ATP5MC1: variants seen among roughly 807,000 people sequenced by gnomAD.
The protein encoded by ATP5MC1 is ATP synthase F(0) complex subunit C1, mitochondrial.
ATP5MC1 carries 4 observed loss-of-function variants against 12.1 expected under a neutral mutation model. The observed-to-expected ratio is 0.33, with a 90% CI of 0.16 to 0.76. ATP5MC1 has a LOEUF of 0.76. ATP5MC1 is among the 30% of genes least tolerant of loss of function. The probability of loss-of-function intolerance (pLI) is 0.61; values close to 1 mark genes in which losing one functional copy is unlikely to be tolerated. For synonymous variants in ATP5MC1, 52 were observed against 66.0 expected, an observed-to-expected ratio of 0.79 and a Z score of 1.03; for missense variants, 117 against 172.1, an observed-to-expected ratio of 0.68 and a Z score of 1.79.
intron 2 of ATP5MC1, 56 bp downstream of exon 2, chr17:48,893,512 C>T (rs1598062309): frequency 6.3e-7 from 1 of 1,592,258 alleles, no homozygotes; most frequent in African/African-American, 1.3e-5. Context: ...TGGACGCCAT[C>T]AGTGTTTAAT....
At position 48,893,118 on chromosome 17, in the gene ATP5MC1, C is replaced by T. The variant is rs537969690; in HGVS notation, c.-10+208C>T. 31 of 440,538 alleles carry T rather than the reference C, an allele frequency of 7.0e-5. 1 individual carries two copies. In the South Asian group the frequency reaches 9.4e-4, roughly 13 times the overall value. 27.3% of individuals were successfully genotyped at this position (440,538 alleles called of 1,614,324 possible). A position where few individuals can be genotyped will look rare whatever the true frequency, so the allele number is the denominator to read the frequency against. On this transcript the variant is annotated intron_variant, in intron 1 of 4. Coordinates refer to ENST00000393366, the MANE Select transcript of ATP5MC1 (RefSeq NM_005175.3). Reference sequence around the variant, plus strand: ...AAGATGGGCAGGATCCTGCGCGACACCTGCCCAGTATCCGCCTCCAGTCTT... The same window carrying T: ...AAGATGGGCAGGATCCTGCGCGACATCTGCCCAGTATCCGCCTCCAGTCTT...
At chr17:48,895,030 ATT>A (rs2040558908) in intron 3 of ATP5MC1, 124 bp from the exon 4 acceptor site, 1 of 1,080,556 alleles carries the variant, frequency 9.3e-7, no homozygotes, top group East Asian at 2.5e-5. Context: ...AGTATTCTGC[ATT>A]TACCAGGCAG....
Position 48,895,820 on chromosome 17 carries a change from C to A in ATP5MC1, c.*51C>A, listed in dbSNP as rs774039629. 57 of 1,493,396 alleles carry A rather than the reference C, an allele frequency of 3.8e-5. No homozygotes were observed. Among genetic ancestry groups the A allele is most frequent in the Non-Finnish European group, 5.0e-5 (54 of 1,073,764 alleles). 92.5% of individuals were successfully genotyped at this position (1,493,396 alleles called of 1,614,324 possible). On this transcript the variant is annotated 3_prime_UTR_variant, in exon 5 of 5. Transcript: ENST00000393366. ...GTTGCTACTGCAACTCCACACCATT[C>A]TTGGTGCTGGGGTGTGTTAAGCTTT...
intron 2 of ATP5MC1, chr17:48,893,876 C>T: frequency 4.3e-6 from 1 of 232,290 alleles, no homozygotes; most frequent in East Asian, 1.1e-4. Context: ...CACCGTGCAG[C>T]CAAGTTTGAG....
intron 1 of ATP5MC1, 63 bp from the exon 2 acceptor site, chr17:48,893,346 C>T (rs2040546371): frequency 1.9e-6 from 3 of 1,568,674 alleles, no homozygotes; most frequent in Non-Finnish European, 2.6e-6. Flanking sequence ...CAAAGGTCGT[C>T]ATTATAAGCA....
intron 1 of ATP5MC1, 200 bp from the exon 2 acceptor site, chr17:48,893,209 G>C: frequency 1.9e-6 from 1 of 530,086 alleles, no homozygotes; most frequent in African/African-American, 1.9e-5. Context: ...CTTGACTTCC[G>C]ATCTCCATGA....
intron 2 of ATP5MC1, 136 bp downstream of exon 2, chr17:48,893,592 G>C (rs1381455386): frequency 1.0e-6 from 1 of 991,442 alleles, no homozygotes; most frequent in East Asian, 2.6e-5. Flanking sequence ...ATGTGATGAA[G>C]GTAACCCCTG....
intron 2 of ATP5MC1, 53 bp from the exon 3 acceptor site, chr17:48,894,319 A>C: frequency 6.4e-7 from 1 of 1,555,710 alleles, no homozygotes; most frequent in Non-Finnish European, 8.9e-7. Flanking sequence ...CTCAGCAATT[A>C]GGATTTTTTT....
At chr17:48,895,435 C>T in intron 4 of ATP5MC1, 101 bp downstream of exon 4, 1 of 1,464,192 alleles carries the variant, frequency 6.8e-7, no homozygotes, top group African/African-American at 1.4e-5. Flanking sequence ...AGGTTGATTT[C>T]ATCTACATCA....
chr17:48,895,855 C>T lies in ATP5MC1; in HGVS notation c.*86C>T, dbSNP rs2040568544. 1 of 1,298,224 alleles carries T rather than the reference C, an allele frequency of 7.7e-7. No individual in the cohort carries two copies. The highest frequency in any genetic ancestry group is 1.5e-5 in the African/African-American group (1 of 68,590). 80.4% of individuals were successfully genotyped at this position (1,298,224 alleles called of 1,614,324 possible). ...GGGTGTGTTAAGCTTTACCATTAAA[C>T]ACAACGTTTCTCTAAACCCCTGTCT... On this transcript the variant is annotated 3_prime_UTR_variant, in exon 5 of 5. Coordinates refer to ENST00000393366, the MANE Select transcript of ATP5MC1 (RefSeq NM_005175.3).
At chr17:48,894,169 G>A in intron 2 of ATP5MC1, 1 of 537,168 alleles carries the variant, frequency 1.9e-6, no homozygotes, top group Admixed American at 3.3e-5. Flanking sequence ...TTTGAATGGT[G>A]AAGGTTGCCA....
In ATP5MC1 at chr17:48,895,734, T is replaced by C; in HGVS notation, c.376T>C (p.Leu126=). Reference sequence around the variant, plus strand: ...GTCTGAGGCCATGGGGCTTTTCTGTTTGATGGTCGCCTTCCTCATCCTCTT... The same window carrying C: ...GTCTGAGGCCATGGGGCTTTTCTGTCTGATGGTCGCCTTCCTCATCCTCTT... ...ALSEAMGLFC[L]MVAFLILFAM is the part of the protein sequence containing the mutation. The change falls in exon 5 of 5, where the codon TTG becomes CTG. Residue 126 remains leucine (L), a synonymous_variant. Coordinates refer to ENST00000393366, the MANE Select transcript of ATP5MC1 (RefSeq NM_005175.3). The C allele has an allele frequency of 1.9e-6, 3 of 1,613,080 alleles. No individual in the cohort carries two copies. The highest frequency in any genetic ancestry group is 2.2e-5 in the East Asian group (1 of 44,800).
chr17:48,893,535 G>T, intron 2 of ATP5MC1, 79 bp downstream of exon 2: 1 of 1,541,276 alleles, frequency 6.5e-7, no homozygotes, highest in East Asian at 2.3e-5. Flanking sequence ...ATGAACCCAG[G>T]GGAGCTTGGC....
chr17:48,894,958 T>C (rs2040558239), intron 3 of ATP5MC1, 198 bp from the exon 4 acceptor site: 2 of 712,390 alleles, frequency 2.8e-6, no homozygotes, highest in Admixed American at 4.1e-5. Context: ...GAAATTTCCC[T>C]AGTCCTGTCT....
At position 48,895,776 on chromosome 17, in the gene ATP5MC1, A is replaced by G; in HGVS notation, c.*7A>G. ...CATCCTCTTCGCCATGTGAGGCTCC[A>G]TGGGGGGGTCACCGGCCTGTTGCTA... On this transcript the variant is annotated 3_prime_UTR_variant, in exon 5 of 5. Transcript: ENST00000393366. The G allele has an allele frequency of 6.8e-7, 1 of 1,462,504 alleles. No individual in the cohort carries two copies. Among genetic ancestry groups the G allele is most frequent in the Non-Finnish European group, 9.0e-7 (1 of 1,108,406 alleles). 90.6% of individuals were successfully genotyped at this position (1,462,504 alleles called of 1,614,324 possible).
rs2040541260 is a variant in ATP5MC1, at chr17:48,892,795, T to C, written c.-125T>C. On this transcript the variant is annotated 5_prime_UTR_variant, in exon 1 of 5. Transcript: ENST00000393366. ...GAGAATGGAGAAGGTCCAGGACACGTGGGTGGGGGAAGCTGAGCGCTGAGA... is the reference window on the plus strand; with the variant it reads ...GAGAATGGAGAAGGTCCAGGACACGCGGGTGGGGGAAGCTGAGCGCTGAGA... The C allele has an allele frequency of 6.6e-6, 1 of 152,454 alleles. No homozygotes were observed. Among genetic ancestry groups the C allele is most frequent in the East Asian group, 1.9e-4 (1 of 5,158 alleles). 9.4% of individuals were successfully genotyped at this position (152,454 alleles called of 1,614,324 possible). A position where few individuals can be genotyped will look rare whatever the true frequency, so the allele number is the denominator to read the frequency against.
chr17:48,894,065 C>A, intron 2 of ATP5MC1: 1 of 323,350 alleles, frequency 3.1e-6, no homozygotes, highest in Admixed American at 4.7e-5. Context: ...GGGTATAAAC[C>A]TTTCCTGTAC....
At chr17:48,894,583 C>A in intron 3 of ATP5MC1, 134 bp downstream of exon 3, 1 of 824,484 alleles carries the variant, frequency 1.2e-6, no homozygotes, top group Non-Finnish European at 2.0e-6. Context: ...GCCTGGGCAA[C>A]ACAGTGAAAC....
chr17:48,893,722 C>T, intron 2 of ATP5MC1: 1 of 546,762 alleles, frequency 1.8e-6, no homozygotes, highest in Non-Finnish European at 3.3e-6. Context: ...CAGTGGTTTT[C>T]AACAGTGGCT....
Sources: gnomAD v4.1 joint callset for allele counts on GRCh38, gnomAD v4.1.1 for gene constraint, MANE v1.5 for transcripts, NCBI Gene and HGNC (gene_info 2026-07-23, HGNC 2026-07-21) for gene names.